Variants in ADCY5 observed in about 807,000 individuals in gnomAD.
ADCY5 encodes adenylate cyclase 5, also known as adenylate cyclase type 5.
ADCY5 carries 30 observed loss-of-function variants against 119.7 expected under a neutral mutation model. The observed-to-expected ratio is 0.25, with a 90% confidence interval of 0.19 to 0.34. The LOEUF (loss-of-function observed/expected upper bound fraction) is 0.34. ADCY5 is among the 10% of genes least tolerant of loss of function. ADCY5 has a pLI of 1.00. For synonymous variants in ADCY5, 753 were observed against 762.2 expected (o/e 0.99, Z 0.20); for missense variants, 1,324 against 1,775.2 (o/e 0.75, Z 4.57).
At chr3:123,294,867 C>A (rs74844117) in intron 17 of ADCY5, among the ~76,000 whole-genome samples, 2,376 of 152,156 alleles carry the variant, frequency 0.016, 61 homozygotes, top group African/African-American at 0.055. Flanking sequence ...ATACATATGG[C>A]GGTGGGTGAT....
Position 123,410,341 on chromosome 3 carries a change from T to A in ADCY5, c.1134+37071A>T, listed in dbSNP as rs116972476. On this transcript the variant is annotated intron_variant, in intron 1 of 20. Coordinates refer to ENST00000462833, the MANE Select transcript of ADCY5 (RefSeq NM_183357.3). The stretch of plus-strand genomic sequence containing the variant: ...CCTCCTCCTCCTCCCCCAACCCTTA[T>A]CCCCCAATTCCTCCTCCTCCTCCTC... Among the ~76,000 whole-genome samples, 127 of 145,752 alleles carry A rather than the reference T, an allele frequency of 8.7e-4. No individual in the cohort carries two copies. The East Asian group carries it at 0.019, about 22-fold the overall frequency.
intron 1 of ADCY5, among the ~76,000 whole-genome samples, chr3:123,441,581 G>A (rs1024418941): frequency 5.9e-5 from 9 of 152,174 alleles, no homozygotes; most frequent in Admixed American, 5.9e-4. Context: ...AAATAATTTA[G>A]TCCCTCTTCT....
At chr3:123,357,679 G>C (rs1283120241) in intron 1 of ADCY5, among the ~76,000 whole-genome samples, 1 of 152,136 alleles carries the variant, frequency 6.6e-6, no homozygotes. Context: ...AGTTGGACCT[G>C]AAAGTGAAAA....
intron 12 of ADCY5, among the ~76,000 whole-genome samples, chr3:123,307,044 G>A (rs1215897761): frequency 6.6e-6 from 1 of 152,066 alleles, no homozygotes. Flanking sequence ...GTGAATCACA[G>A]AGACAAAGTA....
intron 1 of ADCY5, among the ~76,000 whole-genome samples, chr3:123,405,675 TCCAGGC>T (rs1274105490): frequency 6.6e-6 from 1 of 152,176 alleles, no homozygotes; most frequent in Non-Finnish European, 1.5e-5. Context: ...CGCTTTGTCG[TCCAGGC>T]CAGAGTGCGG....
chr3:123,298,876 T>C (rs1375890196), intron 15 of ADCY5, among the ~76,000 whole-genome samples: 1 of 120,444 alleles, frequency 8.3e-6, no homozygotes, highest in Non-Finnish European at 1.6e-5. Context: ...TAGGGAGTGG[T>C]GATGCGTAGA....
intron 1 of ADCY5, 96 bp downstream of exon 1, chr3:123,447,316 C>G (rs1041742819): frequency 3.0e-6 from 4 of 1,319,796 alleles, no homozygotes; most frequent in Non-Finnish European, 4.0e-6. Flanking sequence ...GCTCTTTTCA[C>G]CATTCGAAAG....
At chr3:123,370,634 C>T (rs1943603313) in intron 1 of ADCY5, among the ~76,000 whole-genome samples, 1 of 152,180 alleles carries the variant, frequency 6.6e-6, no homozygotes, top group African/African-American at 2.4e-5. Flanking sequence ...CAACCTGGAC[C>T]CCATCACTTT....
rs1385632393 is a variant in ADCY5 at position 123,396,347 on chromosome 3, AAG to A, written c.1135-43768_1135-43767del. ...GGAAAGGAAAAGAAAAGAGAAGAAA[AAG>A]AGAGAGAAGGGAGGGAGGAAGAAGG... On this transcript the variant is annotated intron_variant, in intron 1 of 20. Transcript: ENST00000462833. Among the ~76,000 whole-genome samples the A allele has an allele frequency of 2.8e-4, 39 of 141,458 alleles. No individual in the cohort carries two copies. The East Asian group carries it at 5.1e-3, about 19-fold the overall frequency. The allele number at this position is 141,458 out of a possible 152,430, so 92.8% of individuals were successfully genotyped here.
At chr3:123,390,520 A>AT (rs1944373621) in intron 1 of ADCY5, among the ~76,000 whole-genome samples, 1 of 152,224 alleles carries the variant, frequency 6.6e-6, no homozygotes, top group Non-Finnish European at 1.5e-5. Context: ...CTTTCTCTGC[A>AT]TCCACAGAGG....
chr3:123,422,139 G>C (rs1945314791), intron 1 of ADCY5, among the ~76,000 whole-genome samples: 1 of 152,216 alleles, frequency 6.6e-6, no homozygotes, highest in Non-Finnish European at 1.5e-5. Flanking sequence ...CCTGGGCAGA[G>C]GGGCACTTGA....
At chr3:123,382,104 T>A (rs957446625) in intron 1 of ADCY5, among the ~76,000 whole-genome samples, 1 of 152,142 alleles carries the variant, frequency 6.6e-6, no homozygotes, top group Non-Finnish European at 1.5e-5. Flanking sequence ...GCAGGCACAT[T>A]CCCACCCCAG....
chr3:123,407,582 T>C (rs1944932559), intron 1 of ADCY5, among the ~76,000 whole-genome samples: 1 of 113,074 alleles, frequency 8.8e-6, no homozygotes, highest in Admixed American at 9.9e-5. Context: ...TGAGACCCTA[T>C]CTCTACTAAA....
intron 14 of ADCY5, among the ~76,000 whole-genome samples, chr3:123,301,753 T>G (rs1160352338): frequency 6.6e-6 from 1 of 152,240 alleles, no homozygotes; most frequent in Non-Finnish European, 1.5e-5. Flanking sequence ...AAATAGCCTC[T>G]GCTCCTCATA....
At chr3:123,327,026 A>G (rs1301959118) in intron 7 of ADCY5, among the ~76,000 whole-genome samples, 1 of 152,234 alleles carries the variant, frequency 6.6e-6, no homozygotes, top group African/African-American at 2.4e-5. Flanking sequence ...TTAGGGAGAA[A>G]TAGAAAATGT....
intron 1 of ADCY5, among the ~76,000 whole-genome samples, chr3:123,433,071 C>T (rs929413048): frequency 6.6e-6 from 1 of 152,238 alleles, no homozygotes; most frequent in Non-Finnish European, 1.5e-5. Context: ...TCCCTGACCT[C>T]AGACAGCCAA....
chr3:123,377,167 G>A (rs780295789), intron 1 of ADCY5, among the ~76,000 whole-genome samples: 3 of 152,024 alleles, frequency 2.0e-5, no homozygotes, highest in African/African-American at 4.8e-5. Flanking sequence ...CATGTAAACT[G>A]CACTTCCTCT....
At chr3:123,336,360 G>T (rs1942024494) in intron 3 of ADCY5, among the ~76,000 whole-genome samples, 1 of 152,254 alleles carries the variant, frequency 6.6e-6, no homozygotes, top group Non-Finnish European at 1.5e-5. Context: ...AAGGGAAGCT[G>T]GGGTCCAGAC....
Position 123,291,107 on chromosome 3 carries a change from G to A in ADCY5, c.3327+6C>T, listed in dbSNP as rs1399787878. The stretch of plus-strand genomic sequence containing the variant: ...AACACAGCCTGACCCAGGCCCCGCT[G>A]TGCACCTCATCAAAGTCAGCGATGA... On this transcript the variant is annotated splice_donor_region_variant and intron_variant, in intron 18 of 20. Transcript: ENST00000462833. The A allele has an allele frequency of 6.2e-7, 1 of 1,609,706 alleles. No homozygotes were observed. Among genetic ancestry groups the A allele is most frequent in the Admixed American group, 1.7e-5 (1 of 59,890 alleles).
Sources: gnomAD v4.1 joint callset for allele counts (sites outside exome capture counted in the v4.1 genomes callset) on GRCh38, gnomAD v4.1.1 for gene constraint, MANE v1.5 for transcripts, NCBI Gene and HGNC (gene_info 2026-07-23, HGNC 2026-07-21) for gene names.